Variants in MYCBP2 observed in about 807,000 individuals in gnomAD.
MYCBP2 encodes the protein E3 ubiquitin-protein ligase MYCBP2.
A neutral mutation model predicts 525.3 loss-of-function variants in MYCBP2; 120 were observed. The observed-to-expected ratio is 0.23, with a 90% confidence interval of 0.20 to 0.27. The LOEUF (loss-of-function observed/expected upper bound fraction) is 0.27. Among genes scored for constraint, MYCBP2 ranks in the 10% least tolerant of loss-of-function variants. The probability of loss-of-function intolerance (pLI) is 1.00; values close to 1 mark genes in which losing one functional copy is unlikely to be tolerated. For missense variants in MYCBP2, 4,149 were observed against 5,657.1 expected, an observed-to-expected ratio of 0.73 and a Z score of 8.55; for synonymous variants, 1,894 against 1,955.8, an observed-to-expected ratio of 0.97 and a Z score of 0.83.
intron 3 of MYCBP2, among the ~76,000 whole-genome samples, chr13:77,287,059 T>G (rs1008473424): frequency 1.3e-5 from 2 of 149,704 alleles, no homozygotes; most frequent in African/African-American, 4.9e-5. Flanking sequence ...TAAGTTTTTT[T>G]TGTGTTTTTA....
At chr13:77,111,512 G>A (rs1316530906) in intron 55 of MYCBP2, among the ~76,000 whole-genome samples, 1 of 151,186 alleles carries the variant, frequency 6.6e-6, no homozygotes, top group Non-Finnish European at 1.5e-5. Flanking sequence ...AAACTCCTGG[G>A]CTCAAGGAAT....
intron 44 of MYCBP2, among the ~76,000 whole-genome samples, chr13:77,160,905 C>T (rs562168911): frequency 5.3e-5 from 8 of 152,102 alleles, no homozygotes; most frequent in Non-Finnish European, 1.0e-4. Context: ...AAAAGTAGTA[C>T]ATTTTTAAAG....
At chr13:77,052,004 T>C (rs2154056240) in intron 80 of MYCBP2, 86 bp from the exon 81 acceptor site, 1 of 1,010,470 alleles carries the variant, frequency 9.9e-7, no homozygotes, top group Non-Finnish European at 1.5e-6. Flanking sequence ...GAAAGTAAGA[T>C]CTAGGGGTTT....
chr13:77,234,177 A>G (rs550731975), intron 17 of MYCBP2, among the ~76,000 whole-genome samples: 4 of 152,060 alleles, frequency 2.6e-5, no homozygotes, highest in Admixed American at 2.6e-4. Flanking sequence ...ACAACTTAAA[A>G]TTTTAGGTTT....
Position 77,125,362 on chromosome 13 carries a change from C to T in MYCBP2, c.7991G>A (p.Gly2664Glu). The T allele has an allele frequency of 6.2e-7, 1 of 1,613,964 alleles. No homozygotes were observed. Residue 2664 changes from glycine to glutamate, a missense_variant, in exon 54 of 83, where the codon GGA (glycine) becomes GAA (glutamate). Transcript: ENST00000544440. ...EAWSLARDRGGNQYLRHEDEQ... is the reference protein window; with the variant it reads ...EAWSLARDRGENQYLRHEDEQ... ...ATCTTCATGTCGGAGGTACTGGTTT[C>T]CGCCTCTGTCTCTAGCTAAGGACCA... is the stretch of plus-strand genomic sequence containing the variant.
intron 5 of MYCBP2, chr13:77,272,377 G>T (rs746919121): frequency 7.2e-5 from 11 of 152,068 alleles, no homozygotes; most frequent in Non-Finnish European, 1.3e-4. Context: ...CCTGCTATGA[G>T]CTCTAATGGC....
chr13:77,264,973 T>C (rs1423180915), intron 8 of MYCBP2, among the ~76,000 whole-genome samples: 1 of 152,118 alleles, frequency 6.6e-6, no homozygotes, highest in Non-Finnish European at 1.5e-5. Context: ...TCATTTCTAG[T>C]TGCACCTGAA....
At chr13:77,249,773 CAG>C (rs1018264686) in intron 15 of MYCBP2, among the ~76,000 whole-genome samples, 3 of 152,050 alleles carry the variant, frequency 2.0e-5, no homozygotes, top group African/African-American at 7.2e-5. Context: ...AAAAAATAAT[CAG>C]AGTCTTTCTG....
intron 9 of MYCBP2, 69 bp from the exon 10 acceptor site, chr13:77,263,858 T>A: frequency 6.2e-7 from 1 of 1,606,566 alleles, no homozygotes. Context: ...ACAGTCTATC[T>A]AATAAAAGCT....
intron 7 of MYCBP2, among the ~76,000 whole-genome samples, chr13:77,268,472 A>C (rs1256505401): frequency 6.6e-6 from 1 of 152,200 alleles, no homozygotes; most frequent in Non-Finnish European, 1.5e-5. Context: ...CTGAGAAACT[A>C]ATTTGTTATC....
chr13:77,247,641 G>C (rs545868706), intron 15 of MYCBP2, among the ~76,000 whole-genome samples: 6 of 152,184 alleles, frequency 3.9e-5, no homozygotes, highest in African/African-American at 1.4e-4. Context: ...GAAGAACAAA[G>C]TACTCGGTTT....
chr13:77,079,601 A>G (rs1013142311), intron 65 of MYCBP2, among the ~76,000 whole-genome samples: 6 of 152,218 alleles, frequency 3.9e-5, no homozygotes, highest in African/African-American at 1.2e-4. Context: ...GTTGAGGAAC[A>G]TGGAGGTACA....
intron 2 of MYCBP2, among the ~76,000 whole-genome samples, chr13:77,294,109 T>TATATAC (rs1555465544): frequency 3.8e-5 from 2 of 52,404 alleles, no homozygotes; most frequent in Non-Finnish European, 5.1e-5. Flanking sequence ...AATGGCTATA[T>TATATAC]ATATATATAT....
intron 52 of MYCBP2, among the ~76,000 whole-genome samples, chr13:77,129,904 A>G (rs778609712): frequency 5.9e-5 from 9 of 151,900 alleles, no homozygotes; most frequent in Non-Finnish European, 1.2e-4. Flanking sequence ...TTATCAAAAG[A>G]CAGGCCTACT....
intron 2 of MYCBP2, among the ~76,000 whole-genome samples, chr13:77,290,933 TATA>T (rs1371366523): frequency 1.3e-5 from 2 of 152,170 alleles, no homozygotes; most frequent in Non-Finnish European, 2.9e-5. Flanking sequence ...ATCAAAAATA[TATA>T]ATAATTGTAA....
intron 52 of MYCBP2, among the ~76,000 whole-genome samples, chr13:77,130,564 C>T (rs551973110): frequency 1.3e-5 from 2 of 152,026 alleles, no homozygotes; most frequent in East Asian, 3.9e-4. Context: ...AAAACCAAAG[C>T]CAACTGCCCC....
chr13:77,280,203 A>G (rs2076048698), intron 3 of MYCBP2, among the ~76,000 whole-genome samples: 1 of 152,234 alleles, frequency 6.6e-6, no homozygotes, highest in African/African-American at 2.4e-5. Context: ...ATAGCTAAGA[A>G]GTCAAATAAC....
At chr13:77,247,934 C>CA (rs554559063) in intron 15 of MYCBP2, among the ~76,000 whole-genome samples, 28 of 147,852 alleles carry the variant, frequency 1.9e-4, no homozygotes, top group East Asian at 5.9e-4. Flanking sequence ...AAAACTATTA[C>CA]AAAAAAAAAC....
Position 77,098,538 on chromosome 13 carries a change from G to C in MYCBP2, c.8616C>G (p.Asp2872Glu). Residue 2872 changes from aspartate (D) to glutamate (E), a missense_variant, in exon 56 of 83, where the codon GAC (aspartate) becomes GAG (glutamate). By Grantham distance (45) the Asp-to-Glu change is conservative. This residue lies in a region of MYCBP2 where 653 missense variants were observed against 744.7 expected (regional missense o/e 0.88). Coordinates refer to ENST00000544440, the MANE Select transcript of MYCBP2 (RefSeq NM_015057.5). ...GGGTATCTGGATCAAGTGTGTAAGA[G>C]TCTGATTTAGAACGTTCCCGAGGAG... ...LDPPRERSKS[D>E]SYTLDPDTLR... The C allele has an allele frequency of 6.2e-7, 1 of 1,613,778 alleles. No homozygotes were observed. Among genetic ancestry groups the C allele is most frequent in the Non-Finnish European group, 8.5e-7 (1 of 1,179,810 alleles).
Sources: gnomAD v4.1 joint callset for allele counts (sites outside exome capture counted in the v4.1 genomes callset) on GRCh38, gnomAD v4.1.1 for gene constraint, gnomAD v4.1.1 regional missense constraint, MANE v1.5 for transcripts, NCBI Gene and HGNC (gene_info 2026-07-23, HGNC 2026-07-21) for gene names.